Variants in EYA1 observed in about 807,000 individuals in gnomAD.
EYA1 encodes EYA transcriptional coactivator and phosphatase 1.
Under a neutral mutation model 82.0 loss-of-function variants are expected in EYA1, and 16 were observed. The observed-to-expected ratio is 0.20, with a 90% CI of 0.13 to 0.30. The LOEUF (loss-of-function observed/expected upper bound fraction) is 0.30, where lower values mean the gene tolerates loss of function less well. Among genes scored for constraint, EYA1 ranks in the 10% least tolerant of loss-of-function variants. The pLI is 1.00. For missense variants in EYA1, 633 were observed against 730.7 expected (o/e 0.87, Z 1.54); for synonymous variants, 261 against 264.4 (o/e 0.99, Z 0.12).
intron 2 of EYA1, among the ~76,000 whole-genome samples, chr8:71,466,195 C>G (rs1302683514): frequency 6.6e-6 from 1 of 152,076 alleles, no homozygotes; most frequent in African/African-American, 2.4e-5. Context: ...AATATAACCA[C>G]AGAAATATTC....
In EYA1 at chr8:71,354,209, GTAAA is replaced by G. The variant is rs574686272; in HGVS notation, c.124+569_124+572del. Reference sequence around the variant, plus strand: ...ACATTTAAAGTATACTAATCTTTAAGTAAATAAATAGTGTGTATATCACCTAAAT... The same window carrying G: ...ACATTTAAAGTATACTAATCTTTAAGTAAATAGTGTGTATATCACCTAAAT... On this transcript the variant is annotated intron_variant, in intron 3 of 17. Transcript: ENST00000340726. 6.1e-4 allele frequency among the ~76,000 whole-genome samples: 92 copies of G among 152,014 alleles called. 1 individual carries two copies. The highest frequency in any genetic ancestry group is 1.2e-3 in the South Asian group (6 of 4,814).
intron 11 of EYA1, among the ~76,000 whole-genome samples, chr8:71,249,294 A>G (rs1813467043): frequency 6.6e-6 from 1 of 152,120 alleles, no homozygotes; most frequent in Non-Finnish European, 1.5e-5. Context: ...TAATAAAGAC[A>G]TACCCAAGAC....
At chr8:71,384,526 C>G (rs942257243) in intron 2 of EYA1, among the ~76,000 whole-genome samples, 1 of 152,190 alleles carries the variant, frequency 6.6e-6, no homozygotes, top group Non-Finnish European at 1.5e-5. Flanking sequence ...TCACCCTGTG[C>G]TGTTCTGGCA....
At position 71,299,145 on chromosome 8, in the gene EYA1, C is replaced by T; in HGVS notation, c.728G>A (p.Ser243Asn). Residue 243 changes from serine (S) to asparagine (N), a missense_variant, in exon 9 of 18, where the codon AGC becomes AAC. Physicochemically the swap from Ser to Asn is conservative, Grantham distance 46. Transcript: ENST00000340726. ...SPYPAHYMTS[S>N]NTSPTTPSTN... is the part of the protein sequence containing the mutation. ...GGATGGTGTCGTTGGGCTGGTGTTG[C>T]TGCTGGTCATATAATGTGCTGGATA... The T allele has an allele frequency of 1.2e-6, 2 of 1,614,070 alleles. No homozygotes were observed. Among genetic ancestry groups the T allele is most frequent in the Non-Finnish European group, 1.7e-6 (2 of 1,179,998 alleles).
intron 1 of EYA1, among the ~76,000 whole-genome samples, chr8:71,542,305 G>A (rs571822987): frequency 2.0e-5 from 3 of 152,116 alleles, no homozygotes; most frequent in Non-Finnish European, 4.4e-5. Context: ...ACTTACAAGT[G>A]AGAACATGCA....
chr8:71,206,382 G>A (rs2128819265), intron 17 of EYA1, among the ~76,000 whole-genome samples: 1 of 152,026 alleles, frequency 6.6e-6, no homozygotes, highest in Non-Finnish European at 1.5e-5. Flanking sequence ...CCACTATGCT[G>A]GGCTAATTTT....
intron 9 of EYA1, among the ~76,000 whole-genome samples, chr8:71,280,516 A>C (rs1586158570): frequency 6.6e-6 from 1 of 152,342 alleles, no homozygotes; most frequent in East Asian, 1.9e-4. Flanking sequence ...AGGGCTGGCC[A>C]AGGTTCAACC....
rs1813878362 is a variant in EYA1, at chr8:71,527,142, AT to A, written c.33+8601del. On this transcript the variant is annotated intron_variant, in intron 2 of 18. Coordinates refer to the EYA1 transcript ENST00000643681. ...ATTCATTGGCTGAGGGATGAAGAAG[AT>A]TTGGGAAAAAAAGAGAAGCAGGATT... Among the ~76,000 whole-genome samples, 4 of 148,304 alleles carry A rather than the reference AT, an allele frequency of 2.7e-5. No homozygotes were observed. The Admixed American group carries it at 2.9e-4, about 11-fold the overall frequency.
At chr8:71,440,268 A>G (rs1806318135) in intron 2 of EYA1, among the ~76,000 whole-genome samples, 2 of 152,306 alleles carry the variant, frequency 1.3e-5, no homozygotes, top group South Asian at 4.1e-4. Context: ...ATTTAAAGCT[A>G]TGGACAGCCA....
intron 1 of EYA1, among the ~76,000 whole-genome samples, chr8:71,359,701 A>G (rs1348843411): frequency 6.6e-6 from 1 of 152,176 alleles, no homozygotes; most frequent in Non-Finnish European, 1.5e-5. Context: ...TTTGCTTGCT[A>G]GAAGCAATTT....
At chr8:71,396,275 T>C (rs565331315) in intron 2 of EYA1, among the ~76,000 whole-genome samples, 6 of 152,318 alleles carry the variant, frequency 3.9e-5, no homozygotes, top group East Asian at 1.9e-4. Flanking sequence ...GAAGGGATTT[T>C]TGTGTCTCTA....
rs147377537 is a variant in EYA1 at position 71,423,878 on chromosome 8, TA to T, written c.34-67368del. On this transcript the variant is annotated intron_variant, in intron 2 of 18. Coordinates refer to the EYA1 transcript ENST00000643681. ...TAGGCAAGACCTGAAGACAACTGAGTAGAATACAGGTCTTGGATAGATGGTT... is the reference window on the plus strand; with the variant it reads ...TAGGCAAGACCTGAAGACAACTGAGTGAATACAGGTCTTGGATAGATGGTT... 5.6e-3 allele frequency among the ~76,000 whole-genome samples: 851 copies of T among 152,306 alleles called. 9 individuals carry two copies. The highest frequency in any genetic ancestry group is 0.019 in the African/African-American group (810 of 41,562).
chr8:71,483,753 A>C (rs1810356771), intron 2 of EYA1, among the ~76,000 whole-genome samples: 1 of 152,074 alleles, frequency 6.6e-6, no homozygotes, highest in Non-Finnish European at 1.5e-5. Flanking sequence ...AATGTGTAAA[A>C]ATGAGCCCAT....
chr8:71,284,809 AT>A (rs1334547511), intron 9 of EYA1, among the ~76,000 whole-genome samples: 3 of 152,208 alleles, frequency 2.0e-5, no homozygotes, highest in African/African-American at 7.2e-5. Context: ...TCCCTTCCCT[AT>A]CCTCTGTCCC....
chr8:71,444,384 C>T (rs6997706), intron 2 of EYA1, among the ~76,000 whole-genome samples: 10,208 of 152,210 alleles, frequency 0.067, 1,167 homozygotes, highest in African/African-American at 0.23. Context: ...TTTCAGAAAG[C>T]GGAACCACAA....
At chr8:71,356,637 A>G (rs550284636) in intron 1 of EYA1, 126 bp from the exon 2 acceptor site, 1 of 1,399,022 alleles carries the variant, frequency 7.1e-7, no homozygotes, top group African/African-American at 1.5e-5. Context: ...AAAGGAGGAT[A>G]CTGCAGCAGT....
intron 2 of EYA1, among the ~76,000 whole-genome samples, chr8:71,388,002 T>A (rs1829060783): frequency 6.6e-6 from 1 of 152,160 alleles, no homozygotes; most frequent in African/African-American, 2.4e-5. Flanking sequence ...TAAGCTAGCA[T>A]ATGCCAGGAA....
chr8:71,216,904 A>T (rs1171511171), intron 13 of EYA1, 52 bp from the exon 14 acceptor site: 2 of 1,612,092 alleles, frequency 1.2e-6, no homozygotes, highest in Admixed American at 1.7e-5. Flanking sequence ...AGTCCATCTT[A>T]ATTAGGTAAG....
intron 2 of EYA1, among the ~76,000 whole-genome samples, chr8:71,402,738 T>C (rs1457978802): frequency 6.6e-6 from 1 of 152,252 alleles, no homozygotes; most frequent in Non-Finnish European, 1.5e-5. Flanking sequence ...TAAAATGGTA[T>C]GCTTTTGGCA....
Sources: allele counts gnomAD v4.1 joint callset (sites outside exome capture counted in the v4.1 genomes callset), GRCh38; gene constraint gnomAD v4.1.1; transcripts MANE v1.5; gene names NCBI Gene and HGNC (gene_info 2026-07-23, HGNC 2026-07-21).